ATG2B: variants seen among roughly 807,000 people sequenced by gnomAD.
ATG2B encodes the protein autophagy related 2B.
A neutral mutation model predicts 241.3 loss-of-function variants in ATG2B; 121 were observed. That is an observed-to-expected ratio of 0.50 (90% confidence interval 0.43 to 0.58). The LOEUF is 0.58. Ranked by LOEUF, ATG2B falls within the 20% of genes least tolerant of loss-of-function variation. The pLI, the probability that ATG2B is intolerant of heterozygous loss-of-function variation, is 0.00. For synonymous variants in ATG2B, 858 were observed against 876.6 expected (o/e 0.98, Z 0.37); for missense variants, 2,306 against 2,491.6 (o/e 0.93, Z 1.59).
At chr14:96,352,151 C>T (rs1888341900) in intron 1 of ATG2B, among the ~76,000 whole-genome samples, 1 of 152,096 alleles carries the variant, frequency 6.6e-6, no homozygotes, top group Non-Finnish European at 1.5e-5. Flanking sequence ...TTCCTATCAC[C>T]TTAGTGACAT....
At position 96,290,808 on chromosome 14, in the gene ATG2B, A is replaced by T; in HGVS notation, c.5701+6T>A. On this transcript the variant is annotated splice_donor_region_variant and intron_variant, in intron 39 of 41. Transcript: ENST00000359933. The surrounding 1 kb of genome is among the most constrained non-coding windows in gnomAD (Gnocchi z 4.4). ...TATCTTTTGATTAAAAAAGAAGAAA[A>T]CTCACCTAATTGTACTAGTGAATGC... is the stretch of plus-strand genomic sequence containing the variant. 1 of 1,593,554 alleles carries T rather than the reference A, an allele frequency of 6.3e-7. No homozygotes were observed. Among genetic ancestry groups the T allele is most frequent in the Non-Finnish European group, 8.5e-7 (1 of 1,174,360 alleles).
At position 96,322,177 on chromosome 14, in the gene ATG2B, T is replaced by C; in HGVS notation, c.2814A>G (p.Glu938=). ...KAISNSHYVL[E]LTLPNIYVTL... ...TTACATAAATATTTGGTAACGTAAG[T>C]TCCAGCACATAGTGAGAATTGCTGA... Residue 938 remains glutamate, a synonymous_variant, in exon 18 of 42, where the codon GAA becomes GAG. Coordinates refer to ENST00000359933, the MANE Select transcript of ATG2B (RefSeq NM_018036.7). 6.3e-7 allele frequency: 1 copy of C among 1,587,416 alleles called. No individual in the cohort carries two copies. Among genetic ancestry groups the C allele is most frequent in the Non-Finnish European group, 8.5e-7 (1 of 1,171,510 alleles).
chr14:96,328,819 G>C (rs1887654974), intron 12 of ATG2B, 53 bp from the exon 13 acceptor site: 2 of 1,364,624 alleles, frequency 1.5e-6, no homozygotes, highest in Non-Finnish European at 2.1e-6. Context: ...AGAATTTACA[G>C]AGGTGCCCAT....
intron 20 of ATG2B, 26 bp downstream of exon 20, chr14:96,317,119 A>G (rs1451308681): frequency 6.4e-7 from 1 of 1,574,140 alleles, no homozygotes. Context: ...ACATTTGAAA[A>G]AACACTTCGG....
intron 34 of ATG2B, among the ~76,000 whole-genome samples, chr14:96,301,620 T>G (rs1311325723): frequency 6.6e-6 from 1 of 152,250 alleles, no homozygotes; most frequent in Non-Finnish European, 1.5e-5. Flanking sequence ...ATTTGTCATT[T>G]TGCCCAGCAC....
At chr14:96,348,520 T>C (rs1047623732) in intron 1 of ATG2B, among the ~76,000 whole-genome samples, 1 of 151,976 alleles carries the variant, frequency 6.6e-6, no homozygotes. Flanking sequence ...CCGTCTCTAC[T>C]AAAATTACAA....
Position 96,311,638 on chromosome 14 carries a change from G to A in ATG2B, c.3914-20C>T. ...CATAATCTAAAATTTTTAAAATTAA[G>A]AAAATCTCTTCAGTACAGCTTTCAA... On this transcript the variant is annotated intron_variant, in intron 26 of 41. Coordinates refer to ENST00000359933, the MANE Select transcript of ATG2B (RefSeq NM_018036.7). The A allele has an allele frequency of 6.5e-7, 1 of 1,545,238 alleles. No individual in the cohort carries two copies. The highest frequency in any genetic ancestry group is 8.9e-7 in the Non-Finnish European group (1 of 1,120,780).
At chr14:96,324,266 CACTT>C in intron 15 of ATG2B, 1 of 354,534 alleles carries the variant, frequency 2.8e-6, no homozygotes, top group East Asian at 6.2e-5. Flanking sequence ...AAGCACTTAC[CACTT>C]ACTAAGTGCT....
chr14:96,355,566 CCA>C (rs1280352783), intron 1 of ATG2B, among the ~76,000 whole-genome samples: 1 of 152,104 alleles, frequency 6.6e-6, no homozygotes, highest in African/African-American at 2.4e-5. Context: ...AATAGTAACT[CCA>C]CAGAGTTACT....
Position 96,317,871 on chromosome 14 carries a change from T to C in ATG2B, c.2880-16A>G. Reference sequence around the variant, plus strand: ...ATTAAAGATCCTATAAAGACAAAAGTTGAAAAATAAGTACTTAACTCCTAG... The same window carrying C: ...ATTAAAGATCCTATAAAGACAAAAGCTGAAAAATAAGTACTTAACTCCTAG... On this transcript the variant is annotated splice_polypyrimidine_tract_variant and intron_variant, in intron 18 of 41. Coordinates refer to ENST00000359933, the MANE Select transcript of ATG2B (RefSeq NM_018036.7). The C allele has an allele frequency of 6.4e-7, 1 of 1,561,698 alleles. No individual in the cohort carries two copies. The highest frequency in any genetic ancestry group is 8.7e-7 in the Non-Finnish European group (1 of 1,151,598).
intron 32 of ATG2B, 23 bp from the exon 33 acceptor site, chr14:96,303,278 C>T (rs775572371): frequency 4.4e-5 from 66 of 1,502,048 alleles, no homozygotes; most frequent in Admixed American, 2.2e-4. Flanking sequence ...GGAGGAAGAA[C>T]GCGGAACAGT....
At chr14:96,311,491 T>G in intron 27 of ATG2B, 51 bp downstream of exon 27, 6 of 1,446,532 alleles carry the variant, frequency 4.1e-6, no homozygotes, top group Non-Finnish European at 4.8e-6. Context: ...TCAATTTTTT[T>G]AATCTCTTAA....
At chr14:96,305,912 T>C (rs2139850812) in intron 30 of ATG2B, 97 bp from the exon 31 acceptor site, 1 of 871,098 alleles carries the variant, frequency 1.1e-6, no homozygotes, top group South Asian at 1.7e-5. Flanking sequence ...TCTACATTCT[T>C]TTTAATAATT....
chr14:96,307,868 A>G (rs1275479901), intron 29 of ATG2B, among the ~76,000 whole-genome samples: 2 of 152,078 alleles, frequency 1.3e-5, no homozygotes, highest in African/African-American at 4.8e-5. Flanking sequence ...ATATATTTTA[A>G]TATGTTTACA....
At position 96,289,783 on chromosome 14, in the gene ATG2B, T is replaced by A. The variant is rs1414008098; in HGVS notation, c.5879A>T (p.Asp1960Val). 6.8e-6 allele frequency: 11 copies of A among 1,613,972 alleles called. No homozygotes were observed. The highest frequency in any genetic ancestry group is 1.7e-5 in the Admixed American group (1 of 60,004). ...AGAAAGGGTACCAGGAGACACCATATCATAAGCAGTCTCTGCAGCTGCCTG... is the reference window on the plus strand; with the variant it reads ...AGAAAGGGTACCAGGAGACACCATAACATAAGCAGTCTCTGCAGCTGCCTG... The part of the protein sequence containing the change: ...TIQAAAETAY[D>V]MVSPGTLSIE... The change falls in exon 41 of 42, where the codon GAT (aspartate) becomes GTT (valine). Residue 1960 changes from aspartate (D) to valine (V), a missense_variant. By Grantham distance (152) the Asp-to-Val change is radical. This residue lies in a region of ATG2B where 379 missense variants were observed against 480.4 expected (regional missense o/e 0.79). Transcript: ENST00000359933. This position sits in a 1 kb window ranked among gnomAD's most constrained non-coding sequence, Gnocchi z 4.3.
At chr14:96,358,391 C>T (rs917451109) in intron 1 of ATG2B, among the ~76,000 whole-genome samples, 1 of 152,040 alleles carries the variant, frequency 6.6e-6, no homozygotes, top group Non-Finnish European at 1.5e-5. Context: ...GAGCTGATCA[C>T]ACCACTGTAC....
chr14:96,287,253 C>CAAAAAAAAAAAAAAAAAAA (rs34710412), intron 41 of ATG2B, among the ~76,000 whole-genome samples: 1 of 78,236 alleles, frequency 1.3e-5, no homozygotes, highest in Admixed American at 1.7e-4. Flanking sequence ...GACTCCGTCT[C>CAAAAAAAAAAAAAAAAAAA]AAAAAAAAAA....
At chr14:96,361,573 CTA>C (rs1888628979) in intron 1 of ATG2B, among the ~76,000 whole-genome samples, 1 of 152,118 alleles carries the variant, frequency 6.6e-6, no homozygotes, top group Non-Finnish European at 1.5e-5. Context: ...TTCAGAATCC[CTA>C]TCTTTTGGAA....
intron 36 of ATG2B, among the ~76,000 whole-genome samples, chr14:96,294,099 C>A (rs373572072): frequency 6.6e-6 from 1 of 152,198 alleles, no homozygotes; most frequent in East Asian, 1.9e-4. Flanking sequence ...ATTTTTTCTA[C>A]CTATTTTCAT....
Sources: gnomAD v4.1 joint callset for allele counts (sites outside exome capture counted in the v4.1 genomes callset) on GRCh38, gnomAD v4.1.1 for gene constraint, gnomAD v4.1.1 regional missense constraint, Gnocchi (gnomAD v3.1) non-coding constraint, MANE v1.5 for transcripts, NCBI Gene and HGNC (gene_info 2026-07-23, HGNC 2026-07-21) for gene names.